The following UNC13C variants were observed in gnomAD, a reference collection of about 807,000 sequenced individuals.
The protein encoded by UNC13C is unc-13 homolog C.
Under a neutral mutation model 245.4 loss-of-function variants are expected in UNC13C, and 174 were observed. The observed-to-expected ratio is 0.71, with a 90% CI of 0.63 to 0.80. The LOEUF (loss-of-function observed/expected upper bound fraction) is 0.80, where lower values mean the gene tolerates loss of function less well. Among genes scored for constraint, UNC13C ranks in the 30% least tolerant of loss-of-function variants. The probability of loss-of-function intolerance (pLI) is 0.00; values close to 1 mark genes in which losing one functional copy is unlikely to be tolerated. For missense variants in UNC13C, 2,829 were observed against 2,602.9 expected, an observed-to-expected ratio of 1.09 and a Z score of -1.89; for synonymous variants, 992 against 895.1, an observed-to-expected ratio of 1.11 and a Z score of -1.93.
intron 19 of UNC13C, among the ~76,000 whole-genome samples, chr15:54,416,576 C>A (rs1011593491): frequency 6.6e-6 from 1 of 152,146 alleles, no homozygotes; most frequent in Non-Finnish European, 1.5e-5. Flanking sequence ...CCTTTTACAT[C>A]TCTCTGCTTT....
intron 29 of UNC13C, among the ~76,000 whole-genome samples, chr15:54,557,056 T>A (rs765747617): frequency 9.2e-5 from 14 of 152,052 alleles, no homozygotes; most frequent in Non-Finnish European, 1.9e-4. Context: ...AGCTCAACTA[T>A]CCTATCTTCC....
chr15:54,571,549 A>G (rs1897757970), intron 30 of UNC13C, among the ~76,000 whole-genome samples: 1 of 152,254 alleles, frequency 6.6e-6, no homozygotes, highest in African/African-American at 2.4e-5. Flanking sequence ...TCTAGGACTT[A>G]GCACAATACC....
the UNC13C span, among the ~76,000 whole-genome samples, chr15:53,962,059 T>C: frequency 2.6e-5 from 4 of 152,326 alleles, no homozygotes; most frequent in Admixed American, 6.5e-5. Flanking sequence ...TCTATCTCCA[T>C]CAAATAGCAT....
the UNC13C span, among the ~76,000 whole-genome samples, chr15:53,955,111 G>A: frequency 6.6e-6 from 1 of 152,136 alleles, no homozygotes; most frequent in Non-Finnish European, 1.5e-5. Context: ...TAAGTGCAAA[G>A]CAATTTCAGG....
At chr15:54,068,113 G>A (rs1026927031) in intron 2 of UNC13C, among the ~76,000 whole-genome samples, 1 of 152,102 alleles carries the variant, frequency 6.6e-6, no homozygotes, top group Non-Finnish European at 1.5e-5. Flanking sequence ...GGCCTTTTGG[G>A]AGCTCCTGTA....
At chr15:53,917,960 T>C in the UNC13C span, among the ~76,000 whole-genome samples, 1 of 152,216 alleles carries the variant, frequency 6.6e-6, no homozygotes, top group African/African-American at 2.4e-5. Context: ...ATGTTGAGTT[T>C]AGCATGTTTT....
chr15:54,614,315 G>C (rs551370052), intron 30 of UNC13C, among the ~76,000 whole-genome samples: 1 of 151,942 alleles, frequency 6.6e-6, no homozygotes, highest in Admixed American at 6.6e-5. Flanking sequence ...ATAATTAAAG[G>C]GTTGTCATGA....
intron 16 of UNC13C, 22 bp downstream of exon 16, chr15:54,333,878 A>G (rs2038505030): frequency 6.5e-7 from 1 of 1,550,040 alleles, no homozygotes; most frequent in African/African-American, 1.4e-5. Flanking sequence ...TATTTCTGTC[A>G]CTGTTTTGTT....
At chr15:54,182,994 T>C (rs2033851014) in intron 4 of UNC13C, among the ~76,000 whole-genome samples, 1 of 152,038 alleles carries the variant, frequency 6.6e-6, no homozygotes, top group African/African-American at 2.4e-5. Flanking sequence ...CATTTGACTT[T>C]AGTAAGCGAG....
chr15:54,233,327 T>C (rs2035602773), intron 4 of UNC13C, among the ~76,000 whole-genome samples: 2 of 152,142 alleles, frequency 1.3e-5, no homozygotes, highest in Non-Finnish European at 1.5e-5. Context: ...CTTCCATCTT[T>C]CTTGACCTCT....
At chr15:54,218,612 C>G (rs1318407389) in intron 4 of UNC13C, among the ~76,000 whole-genome samples, 3 of 151,840 alleles carry the variant, frequency 2.0e-5, no homozygotes, top group African/African-American at 7.3e-5. Flanking sequence ...TTAAGCCTCA[C>G]TGGGATGTAA....
chr15:54,407,203 A>T (rs1287167007), intron 18 of UNC13C, among the ~76,000 whole-genome samples: 1 of 152,184 alleles, frequency 6.6e-6, no homozygotes, highest in Non-Finnish European at 1.5e-5. Context: ...GTATCAGAAG[A>T]GGGAAAATAG....
intron 2 of UNC13C, among the ~76,000 whole-genome samples, chr15:54,142,487 G>A (rs16974144): frequency 0.029 from 4,369 of 152,168 alleles, 213 homozygotes; most frequent in African/African-American, 0.1. Flanking sequence ...CTTTTAGCTC[G>A]TAAACTCTAT....
chr15:54,094,061 G>A (rs919913228), intron 2 of UNC13C, among the ~76,000 whole-genome samples: 14 of 151,546 alleles, frequency 9.2e-5, no homozygotes, highest in East Asian at 5.9e-4. Flanking sequence ...GGCTTCCCAC[G>A]GGCTACACTC....
chr15:54,117,539 C>A (rs2030345578), intron 2 of UNC13C, among the ~76,000 whole-genome samples: 1 of 147,702 alleles, frequency 6.8e-6, no homozygotes, highest in Non-Finnish European at 1.5e-5. Context: ...CTCTCTCTCT[C>A]TCTCTCTCTC....
the UNC13C span, among the ~76,000 whole-genome samples, chr15:53,868,953 C>T: frequency 3.9e-5 from 6 of 152,104 alleles, no homozygotes; most frequent in South Asian, 1.2e-3. Context: ...ACCATGTCTA[C>T]AAAAAATTTA....
rs557999611 is a variant in UNC13C, at chr15:53,990,488, G to T, written c.-257+11561G>T. Among the ~76,000 whole-genome samples the T allele has an allele frequency of 1.9e-3, 285 of 152,106 alleles. 1 individual carries two copies. Among genetic ancestry groups the T allele is most frequent in the African/African-American group, 6.8e-3 (281 of 41,494 alleles). The stretch of plus-strand genomic sequence containing the variant: ...TGTATCTGTATATGAAGGACATATT[G>T]GAGTTACACTGAAGTGCTGTATAAT... On this transcript the variant is annotated intron_variant, in intron 1 of 32. Coordinates refer to ENST00000260323, the MANE Select transcript of UNC13C (RefSeq NM_001080534.3).
At chr15:53,942,046 G>A in the UNC13C span, among the ~76,000 whole-genome samples, 66,833 of 151,874 alleles carry the variant, frequency 0.44, 14,888 homozygotes, top group East Asian at 0.63. Context: ...CAGCAATCCC[G>A]TTACTGGATA....
At chr15:54,442,210 A>G (rs1444099129) in intron 19 of UNC13C, among the ~76,000 whole-genome samples, 1 of 148,844 alleles carries the variant, frequency 6.7e-6, no homozygotes, top group East Asian at 2.0e-4. Context: ...ACTAAATTGA[A>G]TTGAATGAAA....
Sources: gnomAD v4.1 joint callset for allele counts (sites outside exome capture counted in the v4.1 genomes callset) on GRCh38, gnomAD v4.1.1 for gene constraint, MANE v1.5 for transcripts, NCBI Gene and HGNC (gene_info 2026-07-23, HGNC 2026-07-21) for gene names.